The following VPS13B variants were observed in gnomAD, a reference collection of about 807,000 sequenced individuals.
The protein encoded by VPS13B is vacuolar protein sorting 13 homolog B.
Under a neutral mutation model 426.4 loss-of-function variants are expected in VPS13B, and 285 were observed. That is an observed-to-expected ratio of 0.67 (90% CI 0.61 to 0.74). The LOEUF is 0.74. Among genes scored for constraint, VPS13B ranks in the 30% least tolerant of loss-of-function variants. The pLI is 0.00. For missense variants in VPS13B, 4,537 were observed against 4,782.6 expected (o/e 0.95, Z 1.51); for synonymous variants, 1,676 against 1,676.4 (o/e 1.00, Z 0.01).
rs912153386 is a variant in VPS13B at position 99,019,042 on chromosome 8, A to G, written c.147+5107A>G. Among the ~76,000 whole-genome samples the G allele has an allele frequency of 2.0e-5, 3 of 151,912 alleles. No homozygotes were observed. In the East Asian group the frequency reaches 5.8e-4, roughly 29 times the overall value. ...TATGATTTTCCTTTCTCGTAATGTGATTACCTGGTTTTGAATGTCATATAT... is the reference window on the plus strand; with the variant it reads ...TATGATTTTCCTTTCTCGTAATGTGGTTACCTGGTTTTGAATGTCATATAT... On this transcript the variant is annotated intron_variant, in intron 2 of 61. Transcript: ENST00000357162.
intron 31 of VPS13B, among the ~76,000 whole-genome samples, chr8:99,572,427 A>G (rs974040882): frequency 3.3e-5 from 5 of 152,084 alleles, no homozygotes; most frequent in Non-Finnish European, 7.4e-5. Flanking sequence ...CATCATTTAC[A>G]TTGGGTATAT....
intron 36 of VPS13B, among the ~76,000 whole-genome samples, chr8:99,707,295 TATTTA>T (rs143375228): frequency 6.6e-6 from 1 of 152,210 alleles, no homozygotes; most frequent in Non-Finnish European, 1.5e-5. Flanking sequence ...AAGGCAAAAA[TATTTA>T]ATTTATAGGA....
chr8:99,158,469 G>C (rs1355343723), intron 15 of VPS13B, among the ~76,000 whole-genome samples: 1 of 152,136 alleles, frequency 6.6e-6, no homozygotes, highest in South Asian at 2.1e-4. Context: ...GGAGGCAGAG[G>C]TTGCAATGAG....
At chr8:99,811,746 C>T (rs1469936492) in intron 44 of VPS13B, among the ~76,000 whole-genome samples, 1 of 152,138 alleles carries the variant, frequency 6.6e-6, no homozygotes, top group African/African-American at 2.4e-5. Flanking sequence ...GCTGTGTGAT[C>T]TTCAGAAAGT....
intron 19 of VPS13B, among the ~76,000 whole-genome samples, chr8:99,306,770 TG>T (rs1446523598): frequency 6.6e-6 from 1 of 152,060 alleles, no homozygotes; most frequent in Non-Finnish European, 1.5e-5. Context: ...TGTTTTCCCA[TG>T]GAAGAGGCAT....
intron 54 of VPS13B, among the ~76,000 whole-genome samples, chr8:99,839,709 A>G (rs1337403363): frequency 6.6e-6 from 1 of 152,204 alleles, no homozygotes; most frequent in Non-Finnish European, 1.5e-5. Context: ...CTGAAAGTTC[A>G]TCAAAGCACA....
chr8:99,613,363 C>A (rs1827923250), intron 33 of VPS13B, among the ~76,000 whole-genome samples: 2 of 152,290 alleles, frequency 1.3e-5, no homozygotes, highest in Non-Finnish European at 2.9e-5. Context: ...CTGAAAGTTT[C>A]TTGAAGGCAG....
At chr8:99,022,680 C>T (rs1841956735) in intron 2 of VPS13B, among the ~76,000 whole-genome samples, 1 of 151,932 alleles carries the variant, frequency 6.6e-6, no homozygotes, top group Admixed American at 6.6e-5. Context: ...TTTGCTTATT[C>T]TGTCAGTTAC....
At chr8:99,029,194 AAC>A (rs1842362460) in intron 2 of VPS13B, among the ~76,000 whole-genome samples, 1 of 140,494 alleles carries the variant, frequency 7.1e-6, no homozygotes, top group African/African-American at 2.7e-5. Flanking sequence ...GCCGGGCAGA[AAC>A]GCTCCTCACT....
chr8:99,808,247 G>A (rs767821466), intron 43 of VPS13B, among the ~76,000 whole-genome samples: 6 of 152,106 alleles, frequency 3.9e-5, no homozygotes, highest in East Asian at 1.9e-4. Context: ...TCAGCCAGGT[G>A]CAGTGGCTCA....
intron 17 of VPS13B, among the ~76,000 whole-genome samples, chr8:99,222,635 G>A (rs1351079483): frequency 6.6e-6 from 1 of 152,134 alleles, no homozygotes; most frequent in Non-Finnish European, 1.5e-5. Context: ...ACTCGAACAG[G>A]ATGACAATTA....
chr8:99,356,474 C>T (rs1563685124), intron 19 of VPS13B, among the ~76,000 whole-genome samples: 1 of 152,038 alleles, frequency 6.6e-6, no homozygotes, highest in South Asian at 2.1e-4. Context: ...ATGGTGAGAC[C>T]CTGTCTCTAC....
At chr8:99,166,978 A>G (rs776163842) in intron 15 of VPS13B, among the ~76,000 whole-genome samples, 2 of 152,200 alleles carry the variant, frequency 1.3e-5, no homozygotes, top group Non-Finnish European at 2.9e-5. Context: ...GGTGAAGAGA[A>G]GGAGGAAATA....
intron 35 of VPS13B, among the ~76,000 whole-genome samples, chr8:99,688,638 A>G (rs1345273595): frequency 1.3e-5 from 2 of 152,056 alleles, no homozygotes; most frequent in Non-Finnish European, 2.9e-5. Context: ...GAAAATGGCG[A>G]CAGACTTGCA....
At chr8:99,482,128 C>T (rs770081779) in intron 25 of VPS13B, among the ~76,000 whole-genome samples, 34 of 152,250 alleles carry the variant, frequency 2.2e-4, no homozygotes, top group Middle Eastern at 6.8e-3. Context: ...TCCCCTTTCC[C>T]TACCTCTGTT....
intron 34 of VPS13B, among the ~76,000 whole-genome samples, chr8:99,645,121 A>T (rs1430490734): frequency 6.6e-6 from 1 of 152,154 alleles, no homozygotes; most frequent in Non-Finnish European, 1.5e-5. Flanking sequence ...TCTCTCAGTC[A>T]GCCTCTATTG....
intron 19 of VPS13B, among the ~76,000 whole-genome samples, chr8:99,325,267 C>T (rs1458530841): frequency 3.9e-5 from 6 of 152,144 alleles, no homozygotes; most frequent in Non-Finnish European, 8.8e-5. Context: ...CTCTTAAATT[C>T]ATCTTTTGCT....
intron 19 of VPS13B, among the ~76,000 whole-genome samples, chr8:99,373,310 C>T (rs1813293197): frequency 6.6e-6 from 1 of 151,196 alleles, no homozygotes; most frequent in Non-Finnish European, 1.5e-5. Context: ...ACATGTATCC[C>T]ACAACTTGAA....
chr8:99,488,943 C>G (rs1166430527), intron 25 of VPS13B, among the ~76,000 whole-genome samples: 1 of 152,108 alleles, frequency 6.6e-6, no homozygotes, highest in Admixed American at 6.5e-5. Flanking sequence ...GTGTTTTAGT[C>G]ATGAAGTCTT....
Sources: gnomAD v4.1 joint callset for allele counts (sites outside exome capture counted in the v4.1 genomes callset) on GRCh38, gnomAD v4.1.1 for gene constraint, MANE v1.5 for transcripts, NCBI Gene and HGNC (gene_info 2026-07-23, HGNC 2026-07-21) for gene names.